Variants in CDH8 observed in about 807,000 individuals in gnomAD.
CDH8 encodes the protein cadherin 8.
In CDH8, 17 loss-of-function variants were observed where a neutral mutation model predicts 68.1. The observed-to-expected ratio is 0.25, with a 90% CI of 0.17 to 0.37. The LOEUF (loss-of-function observed/expected upper bound fraction) is 0.37, where lower values mean the gene tolerates loss of function less well. Ranked by LOEUF, CDH8 falls within the 10% of genes least tolerant of loss-of-function variation. The pLI is 1.00. For missense variants in CDH8, 763 were observed against 999.3 expected (o/e 0.76, Z 3.19); for synonymous variants, 372 against 365.1 (o/e 1.02, Z -0.21).
At chr16:61,680,656 C>T (rs62050469) in intron 10 of CDH8, among the ~76,000 whole-genome samples, 23,931 of 151,740 alleles carry the variant, frequency 0.16, 2,051 homozygotes, top group African/African-American at 0.21. Flanking sequence ...CACACACACA[C>T]AATTGGCACC....
At chr16:61,793,604 T>C (rs550345488) in intron 7 of CDH8, among the ~76,000 whole-genome samples, 2 of 152,236 alleles carry the variant, frequency 1.3e-5, no homozygotes, top group South Asian at 4.1e-4. Flanking sequence ...TATGGCTGCA[T>C]AGTATTCCAT....
At chr16:61,769,293 C>T (rs1214816566) in intron 8 of CDH8, among the ~76,000 whole-genome samples, 1 of 151,750 alleles carries the variant, frequency 6.6e-6, no homozygotes, top group Non-Finnish European at 1.5e-5. Flanking sequence ...CCCCATTCTC[C>T]CCCAATATGT....
intron 10 of CDH8, among the ~76,000 whole-genome samples, chr16:61,672,645 G>C (rs1963821403): frequency 6.6e-6 from 1 of 151,940 alleles, no homozygotes; most frequent in Non-Finnish European, 1.5e-5. Context: ...AAAGCAGAAA[G>C]CTACAATCTT....
chr16:62,030,875 T>C (rs1902308935), intron 1 of CDH8, among the ~76,000 whole-genome samples: 1 of 152,116 alleles, frequency 6.6e-6, no homozygotes, highest in Admixed American at 6.6e-5. Context: ...ATCCTGCTGA[T>C]TAATACAGAA....
At chr16:61,776,196 G>T (rs76803359) in intron 8 of CDH8, among the ~76,000 whole-genome samples, 2 of 152,030 alleles carry the variant, frequency 1.3e-5, no homozygotes, top group African/African-American at 2.4e-5. Flanking sequence ...CTCTGTTTAC[G>T]CAATTTACCT....
intron 9 of CDH8, among the ~76,000 whole-genome samples, chr16:61,720,758 C>A (rs1187468739): frequency 1.3e-4 from 20 of 150,628 alleles, no homozygotes; most frequent in Admixed American, 1.3e-3. Flanking sequence ...AATAGTTATT[C>A]CAATATTAGA....
chr16:61,978,830 A>T lies in CDH8; in HGVS notation c.252+42322T>A, dbSNP rs1038880252. Among the ~76,000 whole-genome samples, 7 of 152,184 alleles carry T rather than the reference A, an allele frequency of 4.6e-5. No homozygotes were observed. In the East Asian group the frequency reaches 1.3e-3, roughly 29 times the overall value. ...TTTCCTTTTGACAAGGGGAAATTGC[A>T]TTCCCTGTGTATGGAGCTGTAACAC... On this transcript the variant is annotated intron_variant, in intron 2 of 11. Transcript: ENST00000577390.
At chr16:62,027,597 G>C (rs1902224223) in intron 1 of CDH8, among the ~76,000 whole-genome samples, 1 of 152,160 alleles carries the variant, frequency 6.6e-6, no homozygotes, top group African/African-American at 2.4e-5. Context: ...TTCTGACCTT[G>C]AATTTAGAGC....
At chr16:61,918,046 AG>A (rs1485369022) in intron 2 of CDH8, among the ~76,000 whole-genome samples, 1 of 125,878 alleles carries the variant, frequency 7.9e-6, no homozygotes, top group African/African-American at 3.0e-5. Context: ...CTGCCACCTT[AG>A]TACCAATCAA....
chr16:61,818,475 T>C (rs1962132855), intron 6 of CDH8, among the ~76,000 whole-genome samples: 1 of 152,154 alleles, frequency 6.6e-6, no homozygotes, highest in Admixed American at 6.6e-5. Context: ...CTGAATCTAA[T>C]TGTGCCCCCA....
chr16:61,653,823 G>A lies in CDH8; in HGVS notation c.2185C>T (p.Leu729=). Residue 729 remains leucine (L), a synonymous_variant, in exon 12 of 12, where the codon CTG becomes TTG. Transcript: ENST00000577390. ...VDVDEFINVR[L]HEADNDPTAP... Reference sequence around the variant, plus strand: ...GTGGGATCATTATCTGCCTCATGCAGCCTTACATTTATAAATTCATCGACA... The same window carrying A: ...GTGGGATCATTATCTGCCTCATGCAACCTTACATTTATAAATTCATCGACA... The A allele has an allele frequency of 1.2e-6, 2 of 1,614,134 alleles. No individual in the cohort carries two copies. Among genetic ancestry groups the A allele is most frequent in the Non-Finnish European group, 1.7e-6 (2 of 1,180,036 alleles).
chr16:61,898,451 T>C (rs56851572), intron 3 of CDH8, among the ~76,000 whole-genome samples: 1 of 152,256 alleles, frequency 6.6e-6, no homozygotes, highest in African/African-American at 2.4e-5. Context: ...AATGGGTGTA[T>C]CTACCAAAGT....
At chr16:61,968,949 T>G (rs751669819) in intron 2 of CDH8, among the ~76,000 whole-genome samples, 86 of 152,248 alleles carry the variant, frequency 5.6e-4, no homozygotes, top group Non-Finnish European at 1.1e-3. Flanking sequence ...TTCCCTTTAC[T>G]GCATATGGAT....
At chr16:61,664,700 C>T (rs1462996408) in intron 10 of CDH8, among the ~76,000 whole-genome samples, 1 of 149,168 alleles carries the variant, frequency 6.7e-6, no homozygotes, top group African/African-American at 2.5e-5. Context: ...TAGAAAGAGG[C>T]TTTAGAGAGG....
At chr16:61,883,921 G>A (rs1186008818) in intron 3 of CDH8, among the ~76,000 whole-genome samples, 2 of 151,220 alleles carry the variant, frequency 1.3e-5, no homozygotes, top group African/African-American at 4.9e-5. Context: ...GAAAAAACAT[G>A]AAACAAGATA....
chr16:62,011,323 CTG>C lies in CDH8; in HGVS notation c.252+9827_252+9828del, dbSNP rs1210648913. On this transcript the variant is annotated intron_variant, in intron 2 of 11. Coordinates refer to ENST00000577390, the MANE Select transcript of CDH8 (RefSeq NM_001796.5). ...TAATAGTTCTCACTGAGGAACTGAGCTGGTGGTAGGAGCACGGGTGCACACGC... is the reference window on the plus strand; with the variant it reads ...TAATAGTTCTCACTGAGGAACTGAGCGTGGTAGGAGCACGGGTGCACACGC... Among the ~76,000 whole-genome samples, 8 of 152,284 alleles carry C rather than the reference CTG, an allele frequency of 5.3e-5. No individual in the cohort carries two copies. In the East Asian group the frequency reaches 1.5e-3, roughly 29 times the overall value.
intron 8 of CDH8, among the ~76,000 whole-genome samples, chr16:61,747,883 G>A (rs1452461502): frequency 1.3e-5 from 2 of 151,958 alleles, no homozygotes. Flanking sequence ...TGTTTCTGGT[G>A]GTCTCCTTGA....
At chr16:61,791,564 C>T (rs1347133462) in intron 7 of CDH8, among the ~76,000 whole-genome samples, 1 of 151,966 alleles carries the variant, frequency 6.6e-6, no homozygotes, top group African/African-American at 2.4e-5. Context: ...ATTTTATTAT[C>T]TCACTGCTGA....
At chr16:62,001,794 T>C (rs1420070246) in intron 2 of CDH8, among the ~76,000 whole-genome samples, 2 of 152,146 alleles carry the variant, frequency 1.3e-5, no homozygotes, top group Non-Finnish European at 2.9e-5. Flanking sequence ...TAACATTAGG[T>C]ATAACTCCTA....
Sources: gnomAD v4.1 joint callset for allele counts (sites outside exome capture counted in the v4.1 genomes callset) on GRCh38, gnomAD v4.1.1 for gene constraint, MANE v1.5 for transcripts, NCBI Gene and HGNC (gene_info 2026-07-23, HGNC 2026-07-21) for gene names.